Variants in STK32B observed in about 807,000 individuals in gnomAD.
STK32B encodes the protein serine/threonine kinase 32B, also known as serine/threonine-protein kinase 32B.
A neutral mutation model predicts 52.6 loss-of-function variants in STK32B; 43 were observed. The observed-to-expected ratio is 0.82, with a 90% CI of 0.64 to 1.05. STK32B has a LOEUF of 1.05. Among genes scored for constraint, STK32B ranks in the 50% least tolerant of loss-of-function variants. The probability of loss-of-function intolerance (pLI) is 0.00; values close to 1 mark genes in which losing one functional copy is unlikely to be tolerated. For synonymous variants in STK32B, 238 were observed against 204.3 expected (o/e 1.17, Z -1.41); for missense variants, 621 against 534.6 (o/e 1.16, Z -1.59).
intron 2 of STK32B, among the ~76,000 whole-genome samples, chr4:5,155,374 G>A (rs779075742): frequency 6.6e-6 from 1 of 152,162 alleles, no homozygotes; most frequent in African/African-American, 2.4e-5. Flanking sequence ...CTCTTTGAGG[G>A]CAGCAATGTT....
At chr4:5,282,911 G>A (rs536078524) in intron 3 of STK32B, among the ~76,000 whole-genome samples, 5 of 152,116 alleles carry the variant, frequency 3.3e-5, no homozygotes, top group South Asian at 2.1e-4. Context: ...ACAGTTGACC[G>A]TGGGTAACTG....
chr4:5,300,751 AAGG>A (rs1427697224), intron 3 of STK32B, among the ~76,000 whole-genome samples: 8 of 152,172 alleles, frequency 5.3e-5, no homozygotes, highest in African/African-American at 1.9e-4. Flanking sequence ...AGATTCCTAC[AAGG>A]AGAACTACAA....
At chr4:5,487,243 T>G (rs1382533777) in intron 11 of STK32B, among the ~76,000 whole-genome samples, 1 of 152,188 alleles carries the variant, frequency 6.6e-6, no homozygotes, top group African/African-American at 2.4e-5. Context: ...AGGAAAAATC[T>G]TCCCAGAATG....
intron 3 of STK32B, among the ~76,000 whole-genome samples, chr4:5,263,057 T>C (rs1577262489): frequency 6.6e-6 from 1 of 151,674 alleles, no homozygotes; most frequent in East Asian, 2.0e-4. Context: ...TAGCATCTTA[T>C]TTTATTGAAT....
intron 11 of STK32B, among the ~76,000 whole-genome samples, chr4:5,482,082 C>A (rs1718762436): frequency 6.6e-6 from 1 of 152,080 alleles, no homozygotes; most frequent in South Asian, 2.1e-4. Context: ...TATTTTGGTT[C>A]CATATGAACT....
intron 1 of STK32B, among the ~76,000 whole-genome samples, chr4:5,099,065 G>A (rs1713559008): frequency 6.6e-6 from 1 of 152,128 alleles, no homozygotes; most frequent in Non-Finnish European, 1.5e-5. Flanking sequence ...GTTCTTTCTG[G>A]AGGCTCTAGG....
chr4:5,181,447 A>G (rs993098918), intron 3 of STK32B, among the ~76,000 whole-genome samples: 1 of 152,090 alleles, frequency 6.6e-6, no homozygotes, highest in Non-Finnish European at 1.5e-5. Flanking sequence ...TAGAACTGTG[A>G]GAAATAAATT....
chr4:5,261,681 A>T (rs1726720742), intron 3 of STK32B, among the ~76,000 whole-genome samples: 1 of 152,204 alleles, frequency 6.6e-6, no homozygotes, highest in Non-Finnish European at 1.5e-5. Flanking sequence ...ACTATTTCTT[A>T]TGAACTACCA....
At position 5,264,177 on chromosome 4, in the gene STK32B, TAGG is replaced by T. The variant is rs919110042; in HGVS notation, c.261-67040_261-67038del. The stretch of plus-strand genomic sequence containing the variant: ...CTTTCATTTCTCTTGAGTAAATACT[TAGG>T]AGTGGAATTGTTTGGGTATAGAGTA... On this transcript the variant is annotated intron_variant, in intron 3 of 11. Coordinates refer to ENST00000282908, the MANE Select transcript of STK32B (RefSeq NM_018401.3). 1.4e-4 allele frequency among the ~76,000 whole-genome samples: 21 copies of T among 152,278 alleles called. 1 individual carries two copies. The highest frequency in any genetic ancestry group is 7.2e-4 in the Admixed American group (11 of 15,296).
chr4:5,498,175 C>G (rs910992074), intron 11 of STK32B, among the ~76,000 whole-genome samples: 3 of 152,168 alleles, frequency 2.0e-5, no homozygotes, highest in African/African-American at 7.2e-5. Context: ...CTCACTGCCT[C>G]CTTAAACGTC....
intron 3 of STK32B, among the ~76,000 whole-genome samples, chr4:5,328,844 T>A (rs145028483): frequency 2.0e-5 from 3 of 152,270 alleles, no homozygotes; most frequent in Non-Finnish European, 4.4e-5. Flanking sequence ...GCTGTATTAC[T>A]TACATGCTCC....
chr4:5,237,768 G>A (rs987328979), intron 3 of STK32B, among the ~76,000 whole-genome samples: 3 of 152,146 alleles, frequency 2.0e-5, no homozygotes, highest in East Asian at 1.9e-4. Flanking sequence ...TCTACCTGGC[G>A]CAGAGTCTGT....
intron 5 of STK32B, among the ~76,000 whole-genome samples, chr4:5,410,677 G>A (rs1711587999): frequency 1.3e-5 from 2 of 152,132 alleles, no homozygotes; most frequent in South Asian, 4.1e-4. Context: ...ATTCCATCAG[G>A]TTGCTGCAGT....
intron 4 of STK32B, among the ~76,000 whole-genome samples, chr4:5,387,288 G>C (rs1736321838): frequency 6.6e-6 from 1 of 152,186 alleles, no homozygotes; most frequent in South Asian, 2.1e-4. Flanking sequence ...TTGAACACCT[G>C]CTGGATGCTG....
chr4:5,059,066 T>TC (rs1742119602), intron 1 of STK32B, among the ~76,000 whole-genome samples: 1 of 139,812 alleles, frequency 7.2e-6, no homozygotes, highest in Non-Finnish European at 1.6e-5. Flanking sequence ...TTTTTTTTTT[T>TC]TTTTTTTTTT....
chr4:5,414,062 A>T (rs961712845), intron 5 of STK32B, among the ~76,000 whole-genome samples: 1 of 152,222 alleles, frequency 6.6e-6, no homozygotes, highest in African/African-American at 2.4e-5. Context: ...TTAAGCAAGC[A>T]AAATTGGAAA....
At chr4:5,450,484 A>G (rs924013831) in intron 7 of STK32B, among the ~76,000 whole-genome samples, 3 of 152,090 alleles carry the variant, frequency 2.0e-5, no homozygotes, top group African/African-American at 7.2e-5. Flanking sequence ...AATCTTTTTC[A>G]CTCTTGAACA....
chr4:5,090,307 T>A (rs1207870466), intron 1 of STK32B, among the ~76,000 whole-genome samples: 1 of 151,996 alleles, frequency 6.6e-6, no homozygotes, highest in Non-Finnish European at 1.5e-5. Context: ...CTGAATAGTA[T>A]TCCCTAGGTT....
intron 2 of STK32B, among the ~76,000 whole-genome samples, chr4:5,148,603 A>G (rs1362605950): frequency 6.6e-6 from 1 of 151,776 alleles, no homozygotes; most frequent in Non-Finnish European, 1.5e-5. Context: ...ATACTCTACA[A>G]TTTCAATTCA....
Sources: allele counts gnomAD v4.1 joint callset (sites outside exome capture counted in the v4.1 genomes callset), GRCh38; gene constraint gnomAD v4.1.1; transcripts MANE v1.5; gene names NCBI Gene and HGNC (gene_info 2026-07-23, HGNC 2026-07-21).